SP140L: variants seen among roughly 807,000 people sequenced by gnomAD.
The protein encoded by SP140L is nuclear body protein SP140-like protein.
A neutral mutation model predicts 84.3 loss-of-function variants in SP140L; 64 were observed. The ratio of observed to expected loss-of-function variants is 0.76; its 90% CI spans 0.62 to 0.94. The LOEUF is 0.94. SP140L is among the 40% of genes least tolerant of loss of function. The pLI, the probability that SP140L is intolerant of heterozygous loss-of-function variation, is 0.00. For missense variants in SP140L, 628 were observed against 692.5 expected, an observed-to-expected ratio of 0.91 and a Z score of 1.05; for synonymous variants, 242 against 236.9, an observed-to-expected ratio of 1.02 and a Z score of -0.20.
intron 2 of SP140L, among the ~76,000 whole-genome samples, chr2:230,341,774 G>C (rs1038760625): frequency 6.6e-6 from 1 of 152,174 alleles, no homozygotes. Context: ...GTGTGCCCCT[G>C]CTGGGGGGTG....
chr2:230,392,185 C>G lies in SP140L; in HGVS notation c.1063C>G (p.Leu355Val). ...GGYARSKNWR[L>V]SVRCGGWPLR... ...CTACGCAAGATCAAAGAACTGGAGG[C>G]TGAGTGTGCGCTGTGGCGGGTGGCC... The change falls in exon 12 of 19, where the codon CTG becomes GTG. Residue 355 changes from leucine to valine, a missense_variant. This residue lies in a region of SP140L where 525 missense variants were observed against 518.4 expected (regional missense o/e 1.01). Transcript: ENST00000415673. 1 of 1,614,084 alleles carries G rather than the reference C, an allele frequency of 6.2e-7. No individual in the cohort carries two copies. Among genetic ancestry groups the G allele is most frequent in the Non-Finnish European group, 8.5e-7 (1 of 1,179,944 alleles).
At chr2:230,371,544 T>G (rs2061071236) in intron 6 of SP140L, 54 bp from the exon 7 acceptor site, 2 of 1,421,554 alleles carry the variant, frequency 1.4e-6, no homozygotes, top group African/African-American at 1.4e-5. Context: ...TCCTAAAATC[T>G]ATAACTTTTA....
In SP140L at chr2:230,380,034, T is replaced by TA. The variant is rs527815458; in HGVS notation, c.638-3471dup. ...TATTAGCCCATTTTTACACTGCTGA[T>TA]AAAAACATACCCAAGACTGGGTAAT... On this transcript the variant is annotated intron_variant, in intron 7 of 18. Coordinates refer to ENST00000415673, the MANE Select transcript of SP140L (RefSeq NM_138402.6). Among the ~76,000 whole-genome samples the TA allele has an allele frequency of 6.1e-3, 931 of 152,300 alleles. 7 individuals are homozygous for TA. The highest frequency in any genetic ancestry group is 9.7e-3 in the Non-Finnish European group (661 of 68,010).
chr2:230,345,237 A>T (rs1575448756), intron 2 of SP140L, among the ~76,000 whole-genome samples: 2 of 152,112 alleles, frequency 1.3e-5, no homozygotes, highest in African/African-American at 4.8e-5. Flanking sequence ...TGGCCCCTTT[A>T]TCCTTATATA....
intron 5 of SP140L, 61 bp downstream of exon 5, chr2:230,361,758 G>A (rs1024745601): frequency 5.3e-6 from 7 of 1,318,824 alleles, no homozygotes; most frequent in Non-Finnish European, 7.5e-6. Flanking sequence ...GACAAGGGAG[G>A]TGAGGGCCCA....
At chr2:230,354,848 G>GGAAAGAAAAA (rs2060474322) in intron 2 of SP140L, among the ~76,000 whole-genome samples, 1 of 108,838 alleles carries the variant, frequency 9.2e-6, no homozygotes, top group African/African-American at 3.6e-5. Flanking sequence ...AAGAAAGAAA[G>GGAAAGAAAAA]GAAAGAAAGA....
intron 7 of SP140L, among the ~76,000 whole-genome samples, chr2:230,375,814 C>G (rs915856210): frequency 2.0e-5 from 3 of 152,084 alleles, no homozygotes; most frequent in African/African-American, 7.2e-5. Context: ...GGCAATAACC[C>G]TTATCAAATA....
At chr2:230,381,586 T>C (rs1176801418) in intron 7 of SP140L, among the ~76,000 whole-genome samples, 2 of 152,170 alleles carry the variant, frequency 1.3e-5, no homozygotes, top group Non-Finnish European at 2.9e-5. Flanking sequence ...GTAGGTGCAG[T>C]GGCTCACTCA....
At chr2:230,385,362 G>C in intron 9 of SP140L, 58 bp downstream of exon 9, 1 of 1,512,176 alleles carries the variant, frequency 6.6e-7, no homozygotes, top group Non-Finnish European at 9.1e-7. Context: ...ACATGTTGAG[G>C]TTTTGAGGAG....
intron 7 of SP140L, among the ~76,000 whole-genome samples, chr2:230,373,544 T>C (rs564308054): frequency 7.9e-5 from 12 of 152,364 alleles, no homozygotes; most frequent in Non-Finnish European, 1.6e-4. Context: ...CATGGTTTAC[T>C]GAATATTTTA....
At chr2:230,360,703 C>T (rs2060687816) in intron 4 of SP140L, among the ~76,000 whole-genome samples, 1 of 152,088 alleles carries the variant, frequency 6.6e-6, no homozygotes. Context: ...TCTGGCACTC[C>T]TTATGCTTGG....
intron 2 of SP140L, among the ~76,000 whole-genome samples, chr2:230,343,247 C>T (rs1575445341): frequency 2.7e-5 from 4 of 147,472 alleles, no homozygotes; most frequent in Admixed American, 6.8e-5. Flanking sequence ...CCTACACCCC[C>T]GACAGGTGCC....
chr2:230,328,893 G>A (rs1487103080), intron 2 of SP140L, 62 bp downstream of exon 2: 3 of 1,541,590 alleles, frequency 1.9e-6, no homozygotes, highest in South Asian at 1.2e-5. Flanking sequence ...AAGCTGAACA[G>A]CTTTTCATGT....
Position 230,383,506 on chromosome 2 carries a change from G to A in SP140L, c.638-4G>A. On this transcript the variant is annotated splice_region_variant and splice_polypyrimidine_tract_variant and intron_variant, in intron 7 of 18. Transcript: ENST00000415673. ...TAATTAACTTTATTCTCTTTGGTTT[G>A]AAGGAAAAAAGAAGGGGCATGGCTG... The A allele has an allele frequency of 6.2e-7, 1 of 1,600,444 alleles. No individual in the cohort carries two copies. Among genetic ancestry groups the A allele is most frequent in the Non-Finnish European group, 8.5e-7 (1 of 1,173,264 alleles).
chr2:230,402,222 G>T lies in SP140L; in HGVS notation c.1644+415G>T, dbSNP rs377237216. ...TATCCCAACAAGGATTGCCAGCAAG[G>T]AGTAGAAGTGACAGAGAAAGGAACA... is the stretch of plus-strand genomic sequence containing the variant. On this transcript the variant is annotated intron_variant, in intron 18 of 18. Transcript: ENST00000415673. 1.4e-3 allele frequency among the ~76,000 whole-genome samples: 220 copies of T among 152,302 alleles called. 2 individuals carry two copies. The highest frequency in any genetic ancestry group is 4.9e-3 in the African/African-American group (203 of 41,556).
intron 2 of SP140L, among the ~76,000 whole-genome samples, chr2:230,333,613 G>C (rs1461030358): frequency 6.6e-6 from 1 of 151,964 alleles, no homozygotes; most frequent in Non-Finnish European, 1.5e-5. Flanking sequence ...TTCAAATGGA[G>C]ACCAATTTAT....
Position 230,396,778 on chromosome 2 carries a change from A to G in SP140L, c.1177A>G (p.Asn393Asp), listed in dbSNP as rs1014994086. ...ACAGAGAATACTGAAGTCTCAAAAC[A>G]ATAGCTCAGTTGACCCTTGTGTAAG... is the stretch of plus-strand genomic sequence containing the variant. ...NKKRILKSQNNSSVDPCMRNL... is the reference protein window; with the variant it reads ...NKKRILKSQNDSSVDPCMRNL... The change falls in exon 14 of 19, where the codon AAT becomes GAT. Residue 393 changes from asparagine to aspartate, a missense_variant. Physicochemically the swap from Asn to Asp is conservative, Grantham distance 23. Around this residue, in one of 4 missense-constraint regions of SP140L, gnomAD observed 525 missense variants for 518.4 expected, o/e 1.01. Transcript: ENST00000415673. The G allele has an allele frequency of 2.5e-6, 4 of 1,614,112 alleles. No individual in the cohort carries two copies. Among genetic ancestry groups the G allele is most frequent in the Non-Finnish European group, 3.4e-6 (4 of 1,179,958 alleles).
At chr2:230,357,697 A>T in intron 2 of SP140L, 108 bp from the exon 3 acceptor site, 1 of 1,096,722 alleles carries the variant, frequency 9.1e-7, no homozygotes, top group Non-Finnish European at 1.3e-6. Flanking sequence ...CACCTATTTT[A>T]TATATGTTGG....
chr2:230,392,237 A>C lies in SP140L; in HGVS notation c.1107+8A>C. ...CTACGACGGCTGATGGAGGTATTCC[A>C]ATGACAAGAGGCCAGACCTGTGCCC... On this transcript the variant is annotated splice_region_variant and intron_variant, in intron 12 of 18. Transcript: ENST00000415673. The C allele has an allele frequency of 1.2e-6, 2 of 1,613,664 alleles. No individual in the cohort carries two copies. The highest frequency in any genetic ancestry group is 1.7e-6 in the Non-Finnish European group (2 of 1,179,862).
Sources: gnomAD v4.1 joint callset for allele counts (sites outside exome capture counted in the v4.1 genomes callset) on GRCh38, gnomAD v4.1.1 for gene constraint, gnomAD v4.1.1 regional missense constraint, MANE v1.5 for transcripts, NCBI Gene and HGNC (gene_info 2026-07-23, HGNC 2026-07-21) for gene names.